The following FOCAD variants were observed in gnomAD, a reference collection of about 807,000 sequenced individuals.
The protein encoded by FOCAD is focadhesin.
A neutral mutation model predicts 225.6 loss-of-function variants in FOCAD; 198 were observed. The ratio of observed to expected loss-of-function variants is 0.88; its 90% confidence interval spans 0.78 to 0.99. FOCAD has a LOEUF of 0.99. FOCAD is among the 50% of genes least tolerant of loss of function. FOCAD has a pLI of 0.00. For missense variants in FOCAD, 2,713 were observed against 2,123.6 expected, an observed-to-expected ratio of 1.28 and a Z score of -5.46; for synonymous variants, 897 against 755.0, an observed-to-expected ratio of 1.19 and a Z score of -3.08.
chr9:20,847,441 C>T (rs767224791), intron 15 of FOCAD, among the ~76,000 whole-genome samples: 1 of 151,116 alleles, frequency 6.6e-6, no homozygotes, highest in African/African-American at 2.4e-5. Context: ...CTTTGAGAAC[C>T]TACAGGAAGC....
chr9:20,876,049 A>G (rs1830195151), intron 19 of FOCAD, among the ~76,000 whole-genome samples: 2 of 152,200 alleles, frequency 1.3e-5, no homozygotes, highest in Admixed American at 1.3e-4. Flanking sequence ...TTCCTGTGAA[A>G]TTCAGCCAAA....
chr9:20,770,461 G>A (rs1485151509), intron 8 of FOCAD, among the ~76,000 whole-genome samples: 2 of 151,170 alleles, frequency 1.3e-5, no homozygotes, highest in Non-Finnish European at 3.0e-5. Context: ...GTGTAGGAGT[G>A]AGAGAGAGGA....
At chr9:20,867,564 G>T (rs1829397993) in intron 18 of FOCAD, among the ~76,000 whole-genome samples, 1 of 152,020 alleles carries the variant, frequency 6.6e-6, no homozygotes, top group Admixed American at 6.6e-5. Flanking sequence ...TGACATGATT[G>T]TATATTATCT....
At chr9:20,948,524 G>T (rs1392916290) in intron 31 of FOCAD, 131 bp downstream of exon 31, 2 of 983,470 alleles carry the variant, frequency 2.0e-6, no homozygotes, top group Non-Finnish European at 2.9e-6. Flanking sequence ...AAATGAAAGA[G>T]ATCACATACT....
At chr9:20,715,440 G>T (rs374044340) in intron 2 of FOCAD, 30 bp downstream of exon 2, 8 of 1,412,110 alleles carry the variant, frequency 5.7e-6, no homozygotes, top group Non-Finnish European at 7.6e-6. Flanking sequence ...TTTGCTCATG[G>T]TAACAAATAA....
chr9:20,786,046 G>A (rs1819891081), intron 10 of FOCAD, among the ~76,000 whole-genome samples: 1 of 152,190 alleles, frequency 6.6e-6, no homozygotes, highest in African/African-American at 2.4e-5. Flanking sequence ...ACTGAGATTA[G>A]AGCGGTTAAC....
At chr9:20,801,687 TCTTTA>T (rs1222121721) in intron 11 of FOCAD, among the ~76,000 whole-genome samples, 1 of 152,196 alleles carries the variant, frequency 6.6e-6, no homozygotes, top group Admixed American at 6.5e-5. Flanking sequence ...CTGTATTAGT[TCTTTA>T]CTTTGTGAAC....
chr9:20,864,401 A>G (rs1316650956), intron 16 of FOCAD, among the ~76,000 whole-genome samples: 1 of 151,948 alleles, frequency 6.6e-6, no homozygotes, highest in East Asian at 1.9e-4. Context: ...GTGTCCTTCA[A>G]ACTTTTCCTT....
intron 2 of FOCAD, 94 bp from the exon 3 acceptor site, chr9:20,717,700 C>G: frequency 3.1e-6 from 3 of 954,884 alleles, no homozygotes; most frequent in Non-Finnish European, 4.7e-6. Flanking sequence ...TTACTTAATC[C>G]TAATTGACTG....
intron 16 of FOCAD, chr9:20,863,615 C>T (rs955946044): frequency 6.6e-6 from 1 of 151,914 alleles, no homozygotes; most frequent in South Asian, 2.1e-4. Flanking sequence ...TTACATGTAG[C>T]CTTTTTTTAG....
intron 1 of FOCAD, among the ~76,000 whole-genome samples, chr9:20,697,792 A>T (rs1351080156): frequency 6.6e-6 from 1 of 152,248 alleles, no homozygotes; most frequent in Non-Finnish European, 1.5e-5. Context: ...TGAAGCTAAC[A>T]TACTTGATTA....
At chr9:20,753,406 T>C (rs1250564564) in intron 5 of FOCAD, among the ~76,000 whole-genome samples, 1 of 152,024 alleles carries the variant, frequency 6.6e-6, no homozygotes, top group African/African-American at 2.4e-5. Flanking sequence ...TTTCTGCATC[T>C]ATTGAGATAA....
At chr9:20,825,172 TGTG>T (rs1448517627) in intron 15 of FOCAD, among the ~76,000 whole-genome samples, 2 of 151,676 alleles carry the variant, frequency 1.3e-5, no homozygotes, top group African/African-American at 4.8e-5. Context: ...TGTGTGTGTG[TGTG>T]TGTGTGTGTT....
chr9:20,826,464 G>A (rs1412942660), intron 15 of FOCAD, among the ~76,000 whole-genome samples: 1 of 151,922 alleles, frequency 6.6e-6, no homozygotes, highest in African/African-American at 2.4e-5. Flanking sequence ...CTACACTGTC[G>A]GCTTCCCTAC....
intron 2 of FOCAD, among the ~76,000 whole-genome samples, chr9:20,675,142 T>C (rs368577601): frequency 3.3e-5 from 5 of 152,200 alleles, no homozygotes; most frequent in Admixed American, 6.5e-5. Context: ...CTGAACCACA[T>C]GGCCATGACT....
chr9:20,685,927 G>A (rs1197224667), intron 1 of FOCAD, among the ~76,000 whole-genome samples: 2 of 152,092 alleles, frequency 1.3e-5, no homozygotes, highest in Admixed American at 1.3e-4. Flanking sequence ...TTTCATGGAC[G>A]TATAACCAGA....
At chr9:20,726,219 A>G (rs1826184117) in intron 4 of FOCAD, 1 of 152,162 alleles carries the variant, frequency 6.6e-6, no homozygotes, top group East Asian at 1.9e-4. Context: ...TAGAGTCCCA[A>G]ACCATTTTTC....
chr9:20,989,812 G>A (rs1459720485), intron 41 of FOCAD, among the ~76,000 whole-genome samples: 2 of 152,214 alleles, frequency 1.3e-5, no homozygotes, highest in African/African-American at 2.4e-5. Flanking sequence ...GGATCTTGAT[G>A]TGATTAGGAA....
rs1016077980 is a variant in FOCAD at position 20,929,313 on chromosome 9, T to A, written c.3079-45T>A. The stretch of plus-strand genomic sequence containing the variant: ...TGCTTTTATGATAGGTATGCTTCCT[T>A]CATGTTTAAGGCTAACCCTGTTTTC... On this transcript the variant is annotated intron_variant, in intron 26 of 43. Coordinates refer to ENST00000338382, the MANE Select transcript of FOCAD (RefSeq NM_001375567.1). 4.7e-6 allele frequency: 7 copies of A among 1,504,468 alleles called. No homozygotes were observed. The Admixed American group carries it at 1.0e-4, about 22-fold the overall frequency. 93.2% of individuals were successfully genotyped at this position (1,504,468 alleles called of 1,614,324 possible).
Sources: allele counts gnomAD v4.1 joint callset (sites outside exome capture counted in the v4.1 genomes callset), GRCh38; gene constraint gnomAD v4.1.1; transcripts MANE v1.5; gene names NCBI Gene and HGNC (gene_info 2026-07-23, HGNC 2026-07-21).